The following NF2 variants were observed in gnomAD, a reference collection of about 807,000 sequenced individuals.
The protein encoded by NF2 is NF2, moesin-ezrin-radixin like (MERLIN) tumor suppressor, also known as merlin.
NF2 carries 8 observed loss-of-function variants against 83.7 expected under a neutral mutation model. That is an observed-to-expected ratio of 0.10 (90% confidence interval 0.06 to 0.17). The LOEUF (loss-of-function observed/expected upper bound fraction) is 0.17, where lower values mean the gene tolerates loss of function less well. Among genes scored for constraint, NF2 ranks in the 10% least tolerant of loss-of-function variants. The pLI, the probability that NF2 is intolerant of heterozygous loss-of-function variation, is 1.00. For synonymous variants in NF2, 266 were observed against 269.6 expected, an observed-to-expected ratio of 0.99 and a Z score of 0.13; for missense variants, 533 against 744.4, an observed-to-expected ratio of 0.72 and a Z score of 3.31.
intron 1 of NF2, among the ~76,000 whole-genome samples, chr22:29,634,002 A>G (rs919286025): frequency 2.6e-5 from 4 of 152,208 alleles, no homozygotes; most frequent in African/African-American, 2.4e-5. Flanking sequence ...TTTTGTTTCA[A>G]ACACTGGTTA....
At chr22:29,686,286 G>A (rs542311046) in intron 15 of NF2, among the ~76,000 whole-genome samples, 1 of 152,356 alleles carries the variant, frequency 6.6e-6, no homozygotes, top group African/African-American at 2.4e-5. Flanking sequence ...TACACTGCTT[G>A]TGCTGGGCAT....
intron 11 of NF2, 138 bp downstream of exon 11, chr22:29,672,086 CT>C: frequency 7.7e-7 from 1 of 1,297,648 alleles, no homozygotes; most frequent in Non-Finnish European, 1.1e-6. Context: ...AAATCAGTGC[CT>C]TTTCTTTTCA....
chr22:29,649,392 C>T (rs1266135425), intron 4 of NF2, among the ~76,000 whole-genome samples: 1 of 152,180 alleles, frequency 6.6e-6, no homozygotes, highest in Admixed American at 6.5e-5. Flanking sequence ...ACCAGCTTGG[C>T]CACATGGCAA....
Position 29,634,236 on chromosome 22 carries a change from A to G in NF2, c.115-2515A>G, listed in dbSNP as rs1030636912. On this transcript the variant is annotated intron_variant, in intron 1 of 15. Coordinates refer to ENST00000338641, the MANE Select transcript of NF2 (RefSeq NM_000268.4). The stretch of plus-strand genomic sequence containing the variant: ...AGGTAATTACTCATGCTCATTTCCA[A>G]CTCTTGACAGTCTACGATCCTTTGT... Among the ~76,000 whole-genome samples the G allele has an allele frequency of 1.7e-4, 26 of 152,220 alleles. 1 individual carries two copies. The highest frequency in any genetic ancestry group is 5.8e-4 in the African/African-American group (24 of 41,528).
chr22:29,674,796 C>T (rs756023854), intron 12 of NF2, 40 bp from the exon 13 acceptor site: 1 of 1,531,300 alleles, frequency 6.5e-7, no homozygotes, highest in South Asian at 1.2e-5. Flanking sequence ...CTGCTACCTG[C>T]CCTCTTCTGT....
chr22:29,625,051 T>C (rs1308632883), intron 1 of NF2, among the ~76,000 whole-genome samples: 1 of 151,898 alleles, frequency 6.6e-6, no homozygotes, highest in Admixed American at 6.6e-5. Flanking sequence ...CGATTCTCCT[T>C]TCTCAGCCTT....
At chr22:29,669,967 G>T (rs2066732564) in intron 10 of NF2, among the ~76,000 whole-genome samples, 1 of 152,038 alleles carries the variant, frequency 6.6e-6, no homozygotes, top group African/African-American at 2.4e-5. Context: ...GAGGTCTCAG[G>T]GAAAGTACAG....
intron 7 of NF2, among the ~76,000 whole-genome samples, chr22:29,660,562 C>A (rs1438222176): frequency 6.6e-6 from 1 of 152,096 alleles, no homozygotes; most frequent in Non-Finnish European, 1.5e-5. Context: ...AATCATTAAA[C>A]CTATGGGTTT....
Position 29,696,060 on chromosome 22 carries a change from CCCTTT to C in NF2, c.*1260_*1264del. On this transcript the variant is annotated 3_prime_UTR_variant, in exon 16 of 16. Transcript: ENST00000338641. The stretch of plus-strand genomic sequence containing the variant: ...TCCTTGGTCTGGGGCCACCTTCTTG[CCCTTT>C]CTTTTTTTTTTTTTTTTTTTTTTTC... 8.7e-6 allele frequency: 2 copies of C among 230,510 alleles called. No homozygotes were observed. Among genetic ancestry groups the C allele is most frequent in the Non-Finnish European group, 1.7e-5 (2 of 116,892 alleles). The allele number at this position is 230,510 out of a possible 1,614,324, so 14.3% of individuals were successfully genotyped here. A position where few individuals can be genotyped will look rare whatever the true frequency, so the allele number is the denominator to read the frequency against.
At chr22:29,665,087 A>G (rs747398555) in intron 9 of NF2, 23 bp downstream of exon 9, 2 of 1,555,464 alleles carry the variant, frequency 1.3e-6, no homozygotes, top group Admixed American at 1.7e-5. Context: ...CCTGGTTTTC[A>G]TTACTGATAA....
chr22:29,645,978 T>C (rs567227109), intron 4 of NF2, among the ~76,000 whole-genome samples: 5 of 152,208 alleles, frequency 3.3e-5, no homozygotes, highest in Non-Finnish European at 5.9e-5. Context: ...TTTGGGAAAC[T>C]AAGGCTTACT....
intron 13 of NF2, among the ~76,000 whole-genome samples, chr22:29,677,508 A>G (rs1370292223): frequency 1.3e-5 from 2 of 151,826 alleles, no homozygotes; most frequent in Non-Finnish European, 1.5e-5. Flanking sequence ...TCCAAAAAAA[A>G]AAAAAACTAC....
At chr22:29,664,827 C>T (rs1452552789) in intron 8 of NF2, among the ~76,000 whole-genome samples, 163 bp from the exon 9 acceptor site, 1 of 152,238 alleles carries the variant, frequency 6.6e-6, no homozygotes, top group African/African-American at 2.4e-5. Flanking sequence ...AGACTTGGTG[C>T]TCCTAATTCC....
chr22:29,609,103 C>T (rs562773288), intron 1 of NF2: 19 of 747,972 alleles, frequency 2.5e-5, no homozygotes, highest in African/African-American at 1.5e-4. Context: ...TCTTTCATCT[C>T]GAGGAAACTG....
At chr22:29,640,054 G>A (rs1015110724) in intron 3 of NF2, among the ~76,000 whole-genome samples, 13 of 150,826 alleles carry the variant, frequency 8.6e-5, no homozygotes, top group African/African-American at 3.2e-4. Flanking sequence ...AATTAGCCAG[G>A]CATGGTGATG....
At chr22:29,665,238 T>G (rs2066587620) in intron 9 of NF2, among the ~76,000 whole-genome samples, 174 bp downstream of exon 9, 1 of 23,118 alleles carries the variant, frequency 4.3e-5, no homozygotes, top group Admixed American at 3.3e-4. Flanking sequence ...ATGAAGAAGT[T>G]TTTTTTTTTG....
chr22:29,673,922 T>TTTCTTG (rs1229249754), intron 12 of NF2, among the ~76,000 whole-genome samples: 5 of 152,238 alleles, frequency 3.3e-5, no homozygotes, highest in Admixed American at 2.0e-4. Context: ...AGCTAGTGCC[T>TTTCTTG]GCATCCCCCA....
Position 29,615,434 on chromosome 22 carries a change from G to A in NF2, c.114+11322G>A, listed in dbSNP as rs529375858. ...CAAAAAATTTAAAAATTAGCCAGGC[G>A]TGGTGGCTTGCACCTGTAGTCTTAG... On this transcript the variant is annotated intron_variant, in intron 1 of 15. Transcript: ENST00000338641. 1.1e-4 allele frequency among the ~76,000 whole-genome samples: 16 copies of A among 152,160 alleles called. No individual in the cohort carries two copies. In the East Asian group the frequency reaches 2.1e-3, roughly 20 times the overall value.
rs553726678 is a variant in NF2 at position 29,680,410 on chromosome 22, G to A, written c.1575-1029G>A. ...CAGGCGTGAGCCACCACACCCAGCC[G>A]GTGATTAGGTTTCCACATATGAATT... On this transcript the variant is annotated intron_variant, in intron 14 of 15. Transcript: ENST00000338641. 7.9e-5 allele frequency among the ~76,000 whole-genome samples: 12 copies of A among 152,300 alleles called. No individual in the cohort carries two copies. In the South Asian group the frequency reaches 1.5e-3, roughly 18 times the overall value.
Sources: gnomAD v4.1 joint callset for allele counts (sites outside exome capture counted in the v4.1 genomes callset) on GRCh38, gnomAD v4.1.1 for gene constraint, MANE v1.5 for transcripts, NCBI Gene and HGNC (gene_info 2026-07-23, HGNC 2026-07-21) for gene names.